INO80: variants seen among roughly 807,000 people sequenced by gnomAD.
INO80 encodes the protein INO80 complex ATPase subunit, also known as chromatin-remodeling ATPase INO80.
A neutral mutation model predicts 203.4 loss-of-function variants in INO80; 20 were observed. The observed-to-expected ratio is 0.10, with a 90% CI of 0.07 to 0.14. INO80 has a LOEUF of 0.14. Ranked by LOEUF, INO80 falls within the 10% of genes least tolerant of loss-of-function variation. The probability of loss-of-function intolerance (pLI) is 1.00; values close to 1 mark genes in which losing one functional copy is unlikely to be tolerated. For missense variants in INO80, 1,419 were observed against 1,914.4 expected (o/e 0.74, Z 4.83); for synonymous variants, 726 against 685.2 (o/e 1.06, Z -0.93).
chr15:41,049,641 T>G (rs765384884), intron 20 of INO80, among the ~76,000 whole-genome samples: 1 of 152,152 alleles, frequency 6.6e-6, no homozygotes. Flanking sequence ...CACCCAGCAC[T>G]TTGGGAGGCC....
chr15:41,008,257 A>G (rs771017352), intron 27 of INO80, among the ~76,000 whole-genome samples: 1 of 151,646 alleles, frequency 6.6e-6, no homozygotes, highest in African/African-American at 2.4e-5. Flanking sequence ...ACACACACGA[A>G]TATTATTCAG....
At chr15:41,046,936 T>C (rs2044778060) in intron 23 of INO80, among the ~76,000 whole-genome samples, 1 of 147,414 alleles carries the variant, frequency 6.8e-6, no homozygotes, top group African/African-American at 2.7e-5. Context: ...CAAACTGTAC[T>C]ATTTTTTTTT....
At chr15:41,096,604 C>G (rs2045727717) in intron 1 of INO80, among the ~76,000 whole-genome samples, 1 of 152,148 alleles carries the variant, frequency 6.6e-6, no homozygotes, top group Non-Finnish European at 1.5e-5. Context: ...AAAATTCATA[C>G]TATACTTTTT....
intron 29 of INO80, among the ~76,000 whole-genome samples, chr15:40,993,379 C>G (rs1015881681): frequency 1.3e-5 from 2 of 152,064 alleles, no homozygotes; most frequent in African/African-American, 4.8e-5. Flanking sequence ...GAGAAACATA[C>G]TTTAATAAAA....
At chr15:41,006,137 C>T (rs1484490359) in intron 27 of INO80, among the ~76,000 whole-genome samples, 1 of 152,084 alleles carries the variant, frequency 6.6e-6, no homozygotes, top group African/African-American at 2.4e-5. Context: ...ACAGCCTAAG[C>T]TTCCTTCTCC....
intron 24 of INO80, among the ~76,000 whole-genome samples, chr15:41,029,587 A>G (rs2044429622): frequency 6.6e-6 from 1 of 152,236 alleles, no homozygotes; most frequent in Non-Finnish European, 1.5e-5. Flanking sequence ...GGTCCCTGTC[A>G]TTACCCAAAG....
At chr15:41,085,867 A>AT (rs1201588476) in intron 6 of INO80, among the ~76,000 whole-genome samples, 1 of 151,954 alleles carries the variant, frequency 6.6e-6, no homozygotes, top group African/African-American at 2.4e-5. Flanking sequence ...AATTTCTTTT[A>AT]TTTTTTTTCC....
rs142802444 is a variant in INO80, at chr15:41,100,265, G to A, written c.-43-3912C>T. On this transcript the variant is annotated intron_variant, in intron 1 of 35. Coordinates refer to ENST00000648947, the MANE Select transcript of INO80 (RefSeq NM_017553.3). The stretch of plus-strand genomic sequence containing the variant: ...AACTTTTTGTATTTTTAGTACAGAC[G>A]GGGTTTCACTGTGTTAGCCAGGATG... Among the ~76,000 whole-genome samples, 7 of 152,056 alleles carry A rather than the reference G, an allele frequency of 4.6e-5. No individual in the cohort carries two copies. In the East Asian group the frequency reaches 7.8e-4, roughly 17 times the overall value.
intron 16 of INO80, 136 bp downstream of exon 16, chr15:41,058,503 A>T (rs1223260148): frequency 3.5e-6 from 3 of 854,090 alleles, no homozygotes; most frequent in African/African-American, 1.7e-5. Context: ...TCTATTAAAA[A>T]AATTAAATAA....
At chr15:41,107,598 G>A (rs1330486906) in intron 1 of INO80, among the ~76,000 whole-genome samples, 1 of 151,966 alleles carries the variant, frequency 6.6e-6, no homozygotes, top group Non-Finnish European at 1.5e-5. Flanking sequence ...TCAGGAGTTC[G>A]AGGCCAGCCT....
At chr15:41,074,704 A>G in intron 9 of INO80, 139 bp from the exon 10 acceptor site, 1 of 614,928 alleles carries the variant, frequency 1.6e-6, no homozygotes, top group Non-Finnish European at 2.7e-6. Flanking sequence ...CTGATAAACA[A>G]TTTTAATTTA....
At chr15:41,054,837 C>A (rs564022200) in intron 18 of INO80, among the ~76,000 whole-genome samples, 2 of 152,248 alleles carry the variant, frequency 1.3e-5, no homozygotes, top group South Asian at 4.1e-4. Flanking sequence ...AGGGTTTCAC[C>A]ATGTTGGCCA....
chr15:41,051,982 A>G (rs28615406), intron 19 of INO80, among the ~76,000 whole-genome samples: 2 of 152,060 alleles, frequency 1.3e-5, no homozygotes, highest in African/African-American at 2.4e-5. Context: ...TAAATAAAAA[A>G]TAAAAAATTA....
At chr15:41,055,144 T>C (rs969327272) in intron 18 of INO80, 103 bp downstream of exon 18, 1 of 621,780 alleles carries the variant, frequency 1.6e-6, no homozygotes, top group Non-Finnish European at 2.8e-6. Context: ...CTGATTTGTC[T>C]ATGTATACTG....
At position 40,994,435 on chromosome 15, in the gene INO80, C is replaced by T. The variant is rs868801552; in HGVS notation, c.3570+3094G>A. Among the ~76,000 whole-genome samples, 12 of 152,258 alleles carry T rather than the reference C, an allele frequency of 7.9e-5. No individual in the cohort carries two copies. The South Asian group carries it at 1.2e-3, about 16-fold the overall frequency. ...CTGGAGTACAGTGGCACGATCTTGG[C>T]GCACTGCAACCTCTGCCTCCCGGGT... On this transcript the variant is annotated intron_variant, in intron 29 of 35. Coordinates refer to ENST00000648947, the MANE Select transcript of INO80 (RefSeq NM_017553.3).
Position 40,985,509 on chromosome 15 carries a change from CCT to C in INO80, c.3833-85_3833-84del, listed in dbSNP as rs1347299300. ...TCTCTTAATTAAGGTGGCCATATCC[CCT>C]GATGTTTATTTTCCAAGTATCACTT... On this transcript the variant is annotated intron_variant, in intron 31 of 35. Transcript: ENST00000648947. The C allele has an allele frequency of 8.1e-6, 8 of 981,950 alleles. No individual in the cohort carries two copies. The Admixed American group carries it at 1.4e-4, about 17-fold the overall frequency. The allele number at this position is 981,950 out of a possible 1,614,324, so 60.8% of individuals were successfully genotyped here. A position where few individuals can be genotyped will look rare whatever the true frequency, so the allele number is the denominator to read the frequency against.
At chr15:40,999,987 A>C (rs1218722289) in intron 28 of INO80, among the ~76,000 whole-genome samples, 2 of 152,184 alleles carry the variant, frequency 1.3e-5, no homozygotes, top group Non-Finnish European at 2.9e-5. Flanking sequence ...AGACCCAGCT[A>C]CCTGGGAGGC....
intron 14 of INO80, among the ~76,000 whole-genome samples, chr15:41,061,447 A>C (rs1233940312): frequency 1.4e-5 from 2 of 144,886 alleles, no homozygotes; most frequent in Non-Finnish European, 3.0e-5. Context: ...TCTACCAAAA[A>C]TACAAAAAAA....
At chr15:41,097,402 C>G (rs925826896) in intron 1 of INO80, among the ~76,000 whole-genome samples, 4 of 152,152 alleles carry the variant, frequency 2.6e-5, no homozygotes, top group African/African-American at 9.7e-5. Flanking sequence ...TCTCTAAATA[C>G]TTAAAGGGTT....
Sources: gnomAD v4.1 joint callset for allele counts (sites outside exome capture counted in the v4.1 genomes callset) on GRCh38, gnomAD v4.1.1 for gene constraint, MANE v1.5 for transcripts, NCBI Gene and HGNC (gene_info 2026-07-23, HGNC 2026-07-21) for gene names.